The following DLG2 variants were observed in gnomAD, a reference collection of about 807,000 sequenced individuals.
DLG2 encodes the protein disks large homolog 2.
In DLG2, 45 loss-of-function variants were observed where a neutral mutation model predicts 132.5. The observed-to-expected ratio is 0.34, with a 90% CI of 0.27 to 0.44. The LOEUF (loss-of-function observed/expected upper bound fraction) is 0.44. Among genes scored for constraint, DLG2 ranks in the 20% least tolerant of loss-of-function variants. The pLI is 1.00. For missense variants in DLG2, 1,045 were observed against 1,196.9 expected (o/e 0.87, Z 1.87); for synonymous variants, 424 against 419.6 (o/e 1.01, Z -0.13).
chr11:84,076,486 G>A (rs1012409040), intron 10 of DLG2, among the ~76,000 whole-genome samples: 7 of 152,174 alleles, frequency 4.6e-5, no homozygotes, highest in Non-Finnish European at 1.0e-4. Context: ...AAAAAAACCT[G>A]AGGATTTGAT....
chr11:84,008,075 A>G (rs559586375), intron 11 of DLG2, among the ~76,000 whole-genome samples: 1 of 151,992 alleles, frequency 6.6e-6, no homozygotes, highest in East Asian at 1.9e-4. Flanking sequence ...ATGAGTTATT[A>G]GACACACAAA....
intron 7 of DLG2, among the ~76,000 whole-genome samples, chr11:84,306,146 A>G (rs2098215655): frequency 6.7e-6 from 1 of 148,770 alleles, no homozygotes; most frequent in African/African-American, 2.4e-5. Flanking sequence ...TTTTTTTCAC[A>G]TGACCACAAA....
chr11:83,854,414 G>GA (rs2060208069), intron 16 of DLG2, among the ~76,000 whole-genome samples: 2 of 151,946 alleles, frequency 1.3e-5, no homozygotes. Flanking sequence ...AATATTGAAA[G>GA]AAAAAACAAA....
Position 83,798,082 on chromosome 11 carries a change from A to G in DLG2, c.1723-11290T>C, listed in dbSNP as rs962161328. 2.0e-5 allele frequency among the ~76,000 whole-genome samples: 3 copies of G among 152,346 alleles called. No individual in the cohort carries two copies. In the South Asian group the frequency reaches 6.2e-4, roughly 32 times the overall value. On this transcript the variant is annotated intron_variant, in intron 17 of 27. Coordinates refer to ENST00000376104, the MANE Select transcript of DLG2 (RefSeq NM_001142699.3). ...ATGGACCCCCTTGGAGATGCTGCTT[A>G]GAAGGCAGAGCAAATGCTCATGGCT...
intron 27 of DLG2, 52 bp downstream of exon 27, chr11:83,461,950 T>C: frequency 7.9e-7 from 1 of 1,270,176 alleles, no homozygotes; most frequent in Middle Eastern, 1.8e-4. Flanking sequence ...CTGTGCCAAA[T>C]GTCAGACAAT....
intron 3 of DLG2, among the ~76,000 whole-genome samples, chr11:85,409,686 C>CT (rs2089138293): frequency 6.6e-6 from 1 of 151,726 alleles, no homozygotes; most frequent in South Asian, 2.1e-4. Flanking sequence ...AGTTATATAT[C>CT]TGGGGGGGTG....
intron 19 of DLG2, among the ~76,000 whole-genome samples, chr11:83,602,254 T>A (rs979296585): frequency 6.6e-6 from 1 of 152,226 alleles, no homozygotes; most frequent in Non-Finnish European, 1.5e-5. Context: ...GAAAATTGGG[T>A]CCTTACAAAA....
intron 6 of DLG2, among the ~76,000 whole-genome samples, chr11:85,003,462 G>C (rs1420296646): frequency 6.6e-6 from 1 of 152,102 alleles, no homozygotes; most frequent in African/African-American, 2.4e-5. Context: ...TTATATGTAA[G>C]TTGTAAATCT....
intron 3 of DLG2, among the ~76,000 whole-genome samples, chr11:85,291,960 C>T (rs1031702028): frequency 6.6e-6 from 1 of 152,158 alleles, no homozygotes; most frequent in African/African-American, 2.4e-5. Context: ...CTTCCTCCAA[C>T]ATACCTTGTT....
At chr11:85,003,975 G>A (rs965548543) in intron 6 of DLG2, among the ~76,000 whole-genome samples, 1 of 152,064 alleles carries the variant, frequency 6.6e-6, no homozygotes, top group Non-Finnish European at 1.5e-5. Flanking sequence ...GCGGTATTTG[G>A]TTTTCTGTTC....
chr11:85,118,973 T>C (rs1455529656), intron 5 of DLG2, among the ~76,000 whole-genome samples: 2 of 151,894 alleles, frequency 1.3e-5, no homozygotes, highest in South Asian at 2.1e-4. Flanking sequence ...ATAATTTACA[T>C]GTTAATATCT....
chr11:84,480,479 T>A (rs1278289429), intron 7 of DLG2, among the ~76,000 whole-genome samples: 1 of 152,096 alleles, frequency 6.6e-6, no homozygotes, highest in Non-Finnish European at 1.5e-5. Flanking sequence ...CTGTAGATAA[T>A]TCCTTCACAG....
At chr11:85,546,819 T>TTTTC (rs2076362317) in intron 3 of DLG2, among the ~76,000 whole-genome samples, 1 of 38,640 alleles carries the variant, frequency 2.6e-5, no homozygotes, top group Non-Finnish European at 5.2e-5. Flanking sequence ...TAACCCCTGC[T>TTTTC]TTTTTTTTTT....
intron 7 of DLG2, among the ~76,000 whole-genome samples, chr11:84,451,031 T>A (rs2099050158): frequency 6.6e-6 from 1 of 151,830 alleles, no homozygotes; most frequent in African/African-American, 2.4e-5. Flanking sequence ...CTAAATAAAA[T>A]TTGAAATTAT....
intron 21 of DLG2, among the ~76,000 whole-genome samples, chr11:83,508,863 C>T (rs749079339): frequency 2.6e-5 from 4 of 152,282 alleles, no homozygotes; most frequent in Middle Eastern, 3.4e-3. Flanking sequence ...GTTTTGTTTT[C>T]GGTTTGGATT....
chr11:83,843,854 C>T (rs758541066), intron 16 of DLG2, among the ~76,000 whole-genome samples: 4 of 152,062 alleles, frequency 2.6e-5, no homozygotes, highest in African/African-American at 7.2e-5. Flanking sequence ...AGTAATTTGG[C>T]ATATTAGATA....
At chr11:84,782,004 G>T (rs972473638) in intron 6 of DLG2, among the ~76,000 whole-genome samples, 1 of 152,092 alleles carries the variant, frequency 6.6e-6, no homozygotes, top group Non-Finnish European at 1.5e-5. Context: ...CTCTAGCCAT[G>T]CCAAAAGAAG....
intron 7 of DLG2, among the ~76,000 whole-genome samples, chr11:84,477,814 G>A (rs2099125847): frequency 6.6e-6 from 1 of 152,160 alleles, no homozygotes; most frequent in Admixed American, 6.6e-5. Context: ...AGTATGTGCT[G>A]AAGTTAAACA....
intron 6 of DLG2, among the ~76,000 whole-genome samples, chr11:84,850,688 T>C (rs1418258279): frequency 6.6e-6 from 1 of 152,078 alleles, no homozygotes; most frequent in African/African-American, 2.4e-5. Flanking sequence ...ATAAACAGAT[T>C]CAGCAAGGTT....
Sources: allele counts gnomAD v4.1 joint callset (sites outside exome capture counted in the v4.1 genomes callset), GRCh38; gene constraint gnomAD v4.1.1; transcripts MANE v1.5; gene names NCBI Gene and HGNC (gene_info 2026-07-23, HGNC 2026-07-21).